Variants in AFP observed in about 807,000 individuals in gnomAD.
AFP encodes alpha-fetoprotein.
AFP carries 64 observed loss-of-function variants against 78.9 expected under a neutral mutation model. The observed-to-expected ratio is 0.81, with a 90% CI of 0.66 to 1.00. AFP has a LOEUF of 1.00. Among genes scored for constraint, AFP ranks in the 50% least tolerant of loss-of-function variants. The pLI is 0.00. For synonymous variants in AFP, 254 were observed against 243.8 expected (o/e 1.04, Z -0.39); for missense variants, 689 against 703.8 (o/e 0.98, Z 0.24).
At chr4:73,438,087 AAAAC>A in intron 2 of AFP, 83 bp from the exon 3 acceptor site, 1 of 1,564,248 alleles carries the variant, frequency 6.4e-7, no homozygotes, top group Non-Finnish European at 8.7e-7. Context: ...AATAGAAAAC[AAAAC>A]AAACAAATGA....
At chr4:73,442,938 A>T (rs1329465407) in intron 5 of AFP, among the ~76,000 whole-genome samples, 1 of 152,170 alleles carries the variant, frequency 6.6e-6, no homozygotes, top group African/African-American at 2.4e-5. Flanking sequence ...ACTTGCTACC[A>T]GCAGTCCTAT....
intron 8 of AFP, among the ~76,000 whole-genome samples, chr4:73,448,231 T>G (rs980639714): frequency 6.6e-6 from 1 of 152,178 alleles, no homozygotes; most frequent in African/African-American, 2.4e-5. Flanking sequence ...AGTAGTTTGT[T>G]TTAATACAAC....
Position 73,440,629 on chromosome 4 carries a change from C to T in AFP, c.298C>T (p.His100Tyr). 6.2e-7 allele frequency: 1 copy of T among 1,614,022 alleles called. No homozygotes were observed. The highest frequency in any genetic ancestry group is 8.5e-7 in the Non-Finnish European group (1 of 1,179,982). ...ACCTGCCTTTCTGGAAGAACTTTGC[C>T]ATGAGAAAGAAATTTTGGAGAAGTA... ...QLPAFLEELC[H>Y]EKEILEKYGH... is the part of the protein sequence containing the mutation. The change falls in exon 4 of 15, where the codon CAT becomes TAT. Residue 100 changes from histidine (H) to tyrosine (Y), a missense_variant. Transcript: ENST00000395792.
At chr4:73,445,297 C>G (rs1217252048) in intron 7 of AFP, among the ~76,000 whole-genome samples, 175 bp downstream of exon 7, 1 of 152,002 alleles carries the variant, frequency 6.6e-6, no homozygotes, top group Non-Finnish European at 1.5e-5. Context: ...TTTTGTTGAT[C>G]CTGGCTTTCA....
At chr4:73,454,519 A>G (rs1316732484) in intron 13 of AFP, among the ~76,000 whole-genome samples, 1 of 152,188 alleles carries the variant, frequency 6.6e-6, no homozygotes. Flanking sequence ...ATATATTTAT[A>G]CATTGTGAAA....
chr4:73,444,957 C>A, intron 6 of AFP, 36 bp from the exon 7 acceptor site: 3 of 1,545,592 alleles, frequency 1.9e-6, no homozygotes, highest in Non-Finnish European at 2.7e-6. Context: ...GACAGATAAC[C>A]AAGAAATTAA....
At chr4:73,445,967 C>T (rs1293442342) in intron 7 of AFP, among the ~76,000 whole-genome samples, 1 of 152,104 alleles carries the variant, frequency 6.6e-6, no homozygotes, top group Non-Finnish European at 1.5e-5. Context: ...ATCCAAGGAG[C>T]TTAAAAATTA....
Position 73,450,116 on chromosome 4 carries a change from A to C in AFP, c.1272A>C (p.Glu424Asp). 1 of 1,612,314 alleles carries C rather than the reference A, an allele frequency of 6.2e-7. No individual in the cohort carries two copies. ...GCGGCCTCTTCCAGAAACTAGGAGAATATTACTTACAAAATGCGTATGTTT... is the reference window on the plus strand; with the variant it reads ...GCGGCCTCTTCCAGAAACTAGGAGACTATTACTTACAAAATGCGTATGTTT... The part of the protein sequence containing the change: ...RSCGLFQKLG[E>D]YYLQNAFLVA... Residue 424 changes from glutamate (E) to aspartate (D), a missense_variant, in exon 10 of 15, where the codon GAA (glutamate) becomes GAC (aspartate). Coordinates refer to ENST00000395792, the MANE Select transcript of AFP (RefSeq NM_001134.3).
chr4:73,440,454 G>C, intron 3 of AFP, 148 bp from the exon 4 acceptor site: 1 of 679,110 alleles, frequency 1.5e-6, no homozygotes, highest in East Asian at 2.7e-5. Flanking sequence ...TATTTCATCA[G>C]GCTGAAACAA....
At chr4:73,440,235 C>T in intron 3 of AFP, among the ~76,000 whole-genome samples, 1 of 151,950 alleles carries the variant, frequency 6.6e-6, no homozygotes, top group Non-Finnish European at 1.5e-5. Flanking sequence ...CTGACAGGCC[C>T]CAGTGTGTGC....
intron 4 of AFP, among the ~76,000 whole-genome samples, chr4:73,442,092 C>T (rs1168754773): frequency 1.3e-5 from 2 of 152,080 alleles, no homozygotes; most frequent in Non-Finnish European, 2.9e-5. Flanking sequence ...ATTTTTCCCC[C>T]CAGGATCTTT....
chr4:73,443,988 C>T (rs1361982886), intron 6 of AFP, among the ~76,000 whole-genome samples: 1 of 152,112 alleles, frequency 6.6e-6, no homozygotes, highest in Non-Finnish European at 1.5e-5. Context: ...TACTCATCAA[C>T]TCTTTTATGA....
chr4:73,452,685 T>G, intron 12 of AFP, 61 bp downstream of exon 12: 1 of 1,326,958 alleles, frequency 7.5e-7, no homozygotes, highest in Non-Finnish European at 1.1e-6. Context: ...TAACTGAGAC[T>G]TCTACCTCGC....
chr4:73,438,033 T>G, intron 2 of AFP, 141 bp from the exon 3 acceptor site: 1 of 1,236,762 alleles, frequency 8.1e-7, no homozygotes, highest in South Asian at 1.5e-5. Flanking sequence ...GAAGCTAATT[T>G]TACATAATTT....
chr4:73,447,133 A>G (rs1719852911), intron 7 of AFP, among the ~76,000 whole-genome samples: 1 of 152,122 alleles, frequency 6.6e-6, no homozygotes, highest in Non-Finnish European at 1.5e-5. Context: ...TCTAGATTTA[A>G]AAGTCTGATT....
chr4:73,455,622 A>G lies in AFP; in HGVS notation c.*11-9A>G. On this transcript the variant is annotated splice_polypyrimidine_tract_variant and intron_variant, in intron 14 of 14. Coordinates refer to ENST00000395792, the MANE Select transcript of AFP (RefSeq NM_001134.3). Reference sequence around the variant, plus strand: ...ATTAGTATTTAATATATTTTTGCTCATATTGCAGGGGAAGAGAAGACAAAA... The same window carrying G: ...ATTAGTATTTAATATATTTTTGCTCGTATTGCAGGGGAAGAGAAGACAAAA... The G allele has an allele frequency of 1.5e-6, 1 of 689,122 alleles. No individual in the cohort carries two copies. Among genetic ancestry groups the G allele is most frequent in the African/African-American group, 1.8e-5 (1 of 56,412 alleles). 42.7% of individuals were successfully genotyped at this position (689,122 alleles called of 1,614,324 possible). A position where few individuals can be genotyped will look rare whatever the true frequency, so the allele number is the denominator to read the frequency against.
At chr4:73,445,266 G>T (rs954949771) in intron 7 of AFP, 144 bp downstream of exon 7, 10 of 994,100 alleles carry the variant, frequency 1.0e-5, no homozygotes, top group South Asian at 8.8e-5. Flanking sequence ...CAGAATTCTC[G>T]GTAGTAAAAC....
chr4:73,455,900 C>T lies in AFP; in HGVS notation c.*280C>T. ...TGTTGGTTATTATAGGAGATTAAAG[C>T]TATCCAAGGATGGATTTACAGCACT... On this transcript the variant is annotated 3_prime_UTR_variant, in exon 15 of 15. Transcript: ENST00000395792. The T allele has an allele frequency of 2.1e-6, 1 of 475,778 alleles. No individual in the cohort carries two copies. The highest frequency in any genetic ancestry group is 2.8e-5 in the South Asian group (1 of 36,308). The allele number at this position is 475,778 out of a possible 1,614,324, so 29.5% of individuals were successfully genotyped here. A position where few individuals can be genotyped will look rare whatever the true frequency, so the allele number is the denominator to read the frequency against.
rs1719967604 is a variant in AFP, at chr4:73,450,691, G to A, written c.1366G>A (p.Ala456Thr). The A allele has an allele frequency of 1.2e-6, 2 of 1,614,124 alleles. No homozygotes were observed. The highest frequency in any genetic ancestry group is 1.1e-5 in the South Asian group (1 of 91,084). Residue 456 changes from alanine (A) to threonine (T), a missense_variant, in exon 11 of 15, where the codon GCC becomes ACC. Transcript: ENST00000395792. ...ELMAITRKMAATAATCCQLSE... is the reference protein window; with the variant it reads ...ELMAITRKMATTAATCCQLSE... ...GATGGCCATCACCAGAAAAATGGCAGCCACAGCAGCCACTTGTTGCCAACT... is the reference window on the plus strand; with the variant it reads ...GATGGCCATCACCAGAAAAATGGCAACCACAGCAGCCACTTGTTGCCAACT...
Sources: gnomAD v4.1 joint callset for allele counts (sites outside exome capture counted in the v4.1 genomes callset) on GRCh38, gnomAD v4.1.1 for gene constraint, MANE v1.5 for transcripts, NCBI Gene and HGNC (gene_info 2026-07-23, HGNC 2026-07-21) for gene names.